Variants in FAM227A observed in about 807,000 individuals in gnomAD.
FAM227A encodes protein FAM227A.
Under a neutral mutation model 74.7 loss-of-function variants are expected in FAM227A, and 80 were observed. The ratio of observed to expected loss-of-function variants is 1.07; its 90% CI spans 0.89 to 1.29. The LOEUF (loss-of-function observed/expected upper bound fraction) is 1.29, where lower values mean the gene tolerates loss of function less well. Among genes scored for constraint, FAM227A ranks in the 50% most tolerant of loss-of-function variants. The pLI is 0.00. For missense variants in FAM227A, 654 were observed against 683.4 expected (o/e 0.96, Z 0.48); for synonymous variants, 237 against 241.8 (o/e 0.98, Z 0.19).
chr22:38,615,213 G>C (rs771780595), intron 11 of FAM227A, among the ~76,000 whole-genome samples: 1 of 152,140 alleles, frequency 6.6e-6, no homozygotes, highest in African/African-American at 2.4e-5. Flanking sequence ...AGTAGAGATG[G>C]GGTTTCACCA....
chr22:38,650,211 T>G lies in FAM227A; in HGVS notation c.-43A>C. On this transcript the variant is annotated 5_prime_UTR_variant, in exon 2 of 17. An upstream open reading frame in the 5' UTR loses its in-frame stop. Coordinates refer to ENST00000535113, the MANE Select transcript of FAM227A (RefSeq NM_001013647.2). ...ATGGACAAACAAAAAGCTTCCACTTTTAAGAGCCTCTCATTTCCCACTCCA... is the reference window on the plus strand; with the variant it reads ...ATGGACAAACAAAAAGCTTCCACTTGTAAGAGCCTCTCATTTCCCACTCCA... 6.5e-7 allele frequency: 1 copy of G among 1,542,060 alleles called. No homozygotes were observed. Among genetic ancestry groups the G allele is most frequent in the Non-Finnish European group, 8.8e-7 (1 of 1,140,046 alleles).
chr22:38,590,279 CAAAAA>C (rs71197120), intron 16 of FAM227A, among the ~76,000 whole-genome samples: 1 of 58,026 alleles, frequency 1.7e-5, no homozygotes. Flanking sequence ...GACTCCATCT[CAAAAA>C]AAAAAAAAAA....
intron 2 of FAM227A, among the ~76,000 whole-genome samples, chr22:38,649,558 T>A (rs7288535): frequency 7.1e-6 from 1 of 140,144 alleles, no homozygotes; most frequent in Admixed American, 7.5e-5. Flanking sequence ...AGAGTGAGAC[T>A]CTGTCTCAAA....
At chr22:38,592,699 A>G (rs1418718834) in intron 15 of FAM227A, among the ~76,000 whole-genome samples, 1 of 152,208 alleles carries the variant, frequency 6.6e-6, no homozygotes, top group Admixed American at 6.5e-5. Flanking sequence ...TTTCATATCT[A>G]CTGGAGTCCT....
chr22:38,594,179 C>G (rs917558426), intron 15 of FAM227A, among the ~76,000 whole-genome samples: 2 of 152,182 alleles, frequency 1.3e-5, no homozygotes, highest in Non-Finnish European at 2.9e-5. Context: ...AGTCGCCTAC[C>G]TGTCTCTGCC....
At chr22:38,612,893 G>A (rs568457510) in intron 11 of FAM227A, among the ~76,000 whole-genome samples, 1 of 150,810 alleles carries the variant, frequency 6.6e-6, no homozygotes, top group African/African-American at 2.4e-5. Flanking sequence ...CAGGGTAGCT[G>A]TGCACCTTTA....
intron 13 of FAM227A, 128 bp from the exon 14 acceptor site, chr22:38,600,049 G>A (rs1368684591): frequency 1.1e-6 from 1 of 887,514 alleles, no homozygotes; most frequent in Non-Finnish European, 1.6e-6. Context: ...TGCACCCTAA[G>A]AAAATTACTC....
intron 10 of FAM227A, 23 bp downstream of exon 10, chr22:38,623,149 G>A: frequency 6.7e-7 from 1 of 1,491,980 alleles, no homozygotes; most frequent in African/African-American, 1.4e-5. Flanking sequence ...AAAGAAGGCG[G>A]GAGGCTGTAC....
chr22:38,652,876 CAAAAAAA>C (rs10554372), intron 1 of FAM227A, among the ~76,000 whole-genome samples: 1 of 90,388 alleles, frequency 1.1e-5, no homozygotes, highest in Non-Finnish European at 2.3e-5. Flanking sequence ...GACTCCATCT[CAAAAAAA>C]AAAAAAAAAA....
chr22:38,597,581 C>T (rs918557300), intron 14 of FAM227A, among the ~76,000 whole-genome samples: 3 of 152,096 alleles, frequency 2.0e-5, no homozygotes, highest in Non-Finnish European at 2.9e-5. Context: ...CGTGGCCAGG[C>T]GTTCTCTACG....
At chr22:38,654,697 G>A (rs2092365776) in intron 1 of FAM227A, among the ~76,000 whole-genome samples, 6 of 150,156 alleles carry the variant, frequency 4.0e-5, no homozygotes, top group South Asian at 2.1e-4. Flanking sequence ...TTGGGAGGCC[G>A]AGGCAGGCGG....
At position 38,583,024 on chromosome 22, in the gene FAM227A, A is replaced by C; in HGVS notation, c.*3101T>G. 6.7e-7 allele frequency: 1 copy of C among 1,495,938 alleles called. No homozygotes were observed. Among genetic ancestry groups the C allele is most frequent in the South Asian group, 1.2e-5 (1 of 82,040 alleles). 92.7% of individuals were successfully genotyped at this position (1,495,938 alleles called of 1,614,324 possible). A position where few individuals can be genotyped will look rare whatever the true frequency, so the allele number is the denominator to read the frequency against. On this transcript the variant is annotated 3_prime_UTR_variant, in exon 17 of 17. Transcript: ENST00000535113. ...AACAGACAAAAGATCCAGAAATAGG[A>C]AAGTGTGGTTCCTAGAGAAACTGCA...
chr22:38,653,163 T>A (rs1327942698), intron 1 of FAM227A, among the ~76,000 whole-genome samples: 1 of 152,130 alleles, frequency 6.6e-6, no homozygotes, highest in Admixed American at 6.6e-5. Flanking sequence ...TATTATGAAC[T>A]GTGCATGCAA....
chr22:38,647,370 A>G (rs188460573), intron 2 of FAM227A, among the ~76,000 whole-genome samples: 116 of 152,158 alleles, frequency 7.6e-4, no homozygotes, highest in Admixed American at 1.3e-3. Flanking sequence ...GCGCTGAGGC[A>G]GGAGAATCTC....
At chr22:38,648,969 C>A (rs569937202) in intron 2 of FAM227A, among the ~76,000 whole-genome samples, 11 of 134,358 alleles carry the variant, frequency 8.2e-5, no homozygotes, top group Non-Finnish European at 1.6e-4. Context: ...GAGACTCTGT[C>A]TCAAAAAAAA....
rs1288500164 is a variant in FAM227A, at chr22:38,579,806, GAAT to G, written c.*6316_*6318del. The stretch of plus-strand genomic sequence containing the variant: ...AACCATAATGCTATTATCACGCCTA[GAAT>G]AATTTTATATATAAAATATTTAAGA... On this transcript the variant is annotated 3_prime_UTR_variant, in exon 17 of 17. Transcript: ENST00000535113. 2.0e-5 allele frequency: 3 copies of G among 151,902 alleles called. No individual in the cohort carries two copies. Among genetic ancestry groups the G allele is most frequent in the Non-Finnish European group, 2.9e-5 (2 of 67,994 alleles). 9.4% of individuals were successfully genotyped at this position (151,902 alleles called of 1,614,324 possible). A position where few individuals can be genotyped will look rare whatever the true frequency, so the allele number is the denominator to read the frequency against.
chr22:38,592,948 T>C (rs1365390319), intron 15 of FAM227A, among the ~76,000 whole-genome samples: 1 of 152,216 alleles, frequency 6.6e-6, no homozygotes, highest in African/African-American at 2.4e-5. Flanking sequence ...CAAATAACCC[T>C]TCCATTTTTA....
intron 2 of FAM227A, among the ~76,000 whole-genome samples, chr22:38,649,290 T>TG (rs1410769816): frequency 5.9e-5 from 9 of 152,154 alleles, no homozygotes; most frequent in Non-Finnish European, 1.3e-4. Flanking sequence ...TCTGGCCAGA[T>TG]GCGGTGGCTC....
chr22:38,591,307 A>G, intron 16 of FAM227A, 128 bp downstream of exon 16: 1 of 1,418,740 alleles, frequency 7.0e-7, no homozygotes, highest in South Asian at 1.8e-5. Flanking sequence ...TTGAGGAGAG[A>G]GTGAGACTCT....
Sources: allele counts gnomAD v4.1 joint callset (sites outside exome capture counted in the v4.1 genomes callset), GRCh38; gene constraint gnomAD v4.1.1; transcripts MANE v1.5; gene names NCBI Gene and HGNC (gene_info 2026-07-23, HGNC 2026-07-21).